SNTG1: variants seen among roughly 807,000 people sequenced by gnomAD.
SNTG1 encodes gamma-1-syntrophin.
In SNTG1, 39 loss-of-function variants were observed where a neutral mutation model predicts 74.7. The observed-to-expected ratio is 0.52, with a 90% CI of 0.40 to 0.68. SNTG1 has a LOEUF of 0.68. Among genes scored for constraint, SNTG1 ranks in the 30% least tolerant of loss-of-function variants. The pLI, the probability that SNTG1 is intolerant of heterozygous loss-of-function variation, is 0.00. For missense variants in SNTG1, 685 were observed against 609.5 expected, an observed-to-expected ratio of 1.12 and a Z score of -1.30; for synonymous variants, 254 against 217.1, an observed-to-expected ratio of 1.17 and a Z score of -1.49.
At chr8:49,942,326 T>A (rs751973235) in intron 1 of SNTG1, among the ~76,000 whole-genome samples, 8 of 152,176 alleles carry the variant, frequency 5.3e-5, no homozygotes, top group African/African-American at 1.9e-4. Context: ...CAAAATAAAT[T>A]TTATTTTTTG....
intron 1 of SNTG1, among the ~76,000 whole-genome samples, chr8:50,141,598 G>T (rs1447096044): frequency 6.6e-6 from 1 of 152,028 alleles, no homozygotes; most frequent in Non-Finnish European, 1.5e-5. Flanking sequence ...GGAACATTTT[G>T]AGTATCTGAA....
rs1352011065 is a variant in SNTG1 at position 50,172,787 on chromosome 8, A to C, written c.-28+152A>C. Among the ~76,000 whole-genome samples the C allele has an allele frequency of 6.9e-5, 10 of 145,380 alleles. 1 individual carries two copies. In the East Asian group the frequency reaches 2.0e-3, roughly 29 times the overall value. On this transcript the variant is annotated intron_variant, in intron 2 of 18. Coordinates refer to ENST00000642720, the MANE Select transcript of SNTG1 (RefSeq NM_018967.5). ...TTCTTGAAAAATGACAAAAAAAAAA[A>C]ACAAAACCTCTTGTTATGGAAGCAG...
At chr8:50,434,352 G>A (rs553410713) in intron 4 of SNTG1, among the ~76,000 whole-genome samples, 15 of 152,190 alleles carry the variant, frequency 9.9e-5, no homozygotes, top group Admixed American at 5.2e-4. Flanking sequence ...ATAAATATAC[G>A]TGTGCATGTG....
intron 1 of SNTG1, among the ~76,000 whole-genome samples, chr8:50,010,762 CAT>C (rs1815705298): frequency 6.8e-6 from 1 of 146,416 alleles, no homozygotes; most frequent in African/African-American, 2.5e-5. Context: ...ATTTACCTGA[CAT>C]ATCCAAGGAC....
At chr8:50,245,000 T>C (rs1056695072) in intron 2 of SNTG1, among the ~76,000 whole-genome samples, 3 of 152,228 alleles carry the variant, frequency 2.0e-5, no homozygotes, top group Admixed American at 2.0e-4. Context: ...TTTTACATTT[T>C]TTTTCCATTA....
At chr8:50,376,756 T>TATATATATATATAGAG (rs1381048539) in intron 2 of SNTG1, among the ~76,000 whole-genome samples, 44 of 89,954 alleles carry the variant, frequency 4.9e-4, no homozygotes, top group South Asian at 8.5e-4. Flanking sequence ...TATATATATA[T>TATATATATATATAGAG]AGAGAGAGAG....
At chr8:50,156,410 C>A (rs1371533965) in intron 1 of SNTG1, among the ~76,000 whole-genome samples, 1 of 151,828 alleles carries the variant, frequency 6.6e-6, no homozygotes, top group Non-Finnish European at 1.5e-5. Flanking sequence ...TCTCATTGAG[C>A]AATACATAAA....
At chr8:50,425,311 T>C (rs2093148766) in intron 4 of SNTG1, among the ~76,000 whole-genome samples, 1 of 151,032 alleles carries the variant, frequency 6.6e-6, no homozygotes, top group Non-Finnish European at 1.5e-5. Flanking sequence ...TGCTTTACGG[T>C]CTGAGCTCTG....
rs117948581 is a variant in SNTG1, at chr8:50,536,270, G to A, written c.550-408G>A. Among the ~76,000 whole-genome samples the A allele has an allele frequency of 2.9e-3, 436 of 152,146 alleles. 4 individuals carry two copies. The highest frequency in any genetic ancestry group is 5.9e-3 in the Admixed American group (90 of 15,284). On this transcript the variant is annotated intron_variant, in intron 10 of 18. Transcript: ENST00000642720. ...TTAAAAACACTTATGATTGTGCTTG[G>A]CACTCATAAAATACTCTCTATTTGA... is the stretch of plus-strand genomic sequence containing the variant.
chr8:50,689,458 G>A (rs1428924427), intron 15 of SNTG1, among the ~76,000 whole-genome samples: 5 of 152,056 alleles, frequency 3.3e-5, no homozygotes, highest in African/African-American at 1.2e-4. Flanking sequence ...TTAGCATGAA[G>A]CGTTGTTGAA....
rs186264308 is a variant in SNTG1, at chr8:50,180,051, A to G, written c.-28+7416A>G. Among the ~76,000 whole-genome samples the G allele has an allele frequency of 1.1e-4, 17 of 152,350 alleles. No homozygotes were observed. In the East Asian group the frequency reaches 2.7e-3, roughly 24 times the overall value. ...ACCCTAACTGTTCATAGATGGATGA[A>G]TGGATAAATAAATTATGGTATATGT... On this transcript the variant is annotated intron_variant, in intron 2 of 18. Transcript: ENST00000642720.
At chr8:50,438,805 G>A (rs2093331056) in intron 5 of SNTG1, among the ~76,000 whole-genome samples, 1 of 152,148 alleles carries the variant, frequency 6.6e-6, no homozygotes, top group African/African-American at 2.4e-5. Context: ...CAAAGAATAT[G>A]GGAATTTACC....
At chr8:50,626,279 C>T (rs1397272917) in intron 13 of SNTG1, among the ~76,000 whole-genome samples, 1 of 152,154 alleles carries the variant, frequency 6.6e-6, no homozygotes, top group African/African-American at 2.4e-5. Context: ...ACTGACCACT[C>T]ATTGAAGTAG....
chr8:50,462,794 C>CTTTTTTTTT lies in SNTG1; in HGVS notation c.363+12066_363+12067insTTTTTTTTT, dbSNP rs2093576027. Among the ~76,000 whole-genome samples, 14 of 43,628 alleles carry CTTTTTTTTT rather than the reference C, an allele frequency of 3.2e-4. 6 individuals are homozygous for CTTTTTTTTT. The highest frequency in any genetic ancestry group is 3.3e-4 in the Non-Finnish European group (7 of 21,436). The allele number at this position is 43,628 out of a possible 152,430, so 28.6% of individuals were successfully genotyped here. On this transcript the variant is annotated intron_variant, in intron 8 of 18. Coordinates refer to ENST00000642720, the MANE Select transcript of SNTG1 (RefSeq NM_018967.5). ...AACTCAGTCGCATCTTCAGGTTCTA[C>CTTTTTTTTT]TCTTTTTTTTTTTTTTTTTTTTTTT...
chr8:49,944,310 G>T (rs1011496613), intron 1 of SNTG1, among the ~76,000 whole-genome samples: 1 of 151,920 alleles, frequency 6.6e-6, no homozygotes, highest in Non-Finnish European at 1.5e-5. Context: ...TCTATTTCAG[G>T]GATTAATGGA....
chr8:50,242,922 A>C (rs1290184254), intron 2 of SNTG1, among the ~76,000 whole-genome samples: 1 of 152,040 alleles, frequency 6.6e-6, no homozygotes, highest in Non-Finnish European at 1.5e-5. Flanking sequence ...CATTGCATAG[A>C]AATCATGAAA....
chr8:49,935,239 G>GTC (rs1344992315), intron 1 of SNTG1, among the ~76,000 whole-genome samples: 29 of 143,508 alleles, frequency 2.0e-4, no homozygotes, highest in Non-Finnish European at 7.6e-5. Context: ...GTGTGTGTGT[G>GTC]TTTGTGTGTG....
intron 8 of SNTG1, among the ~76,000 whole-genome samples, chr8:50,500,805 G>A (rs2093944825): frequency 6.6e-6 from 1 of 152,080 alleles, no homozygotes; most frequent in African/African-American, 2.4e-5. Flanking sequence ...GTTCCCTGCT[G>A]GGATTGTTTG....
At chr8:50,475,069 GA>G (rs2093685479) in intron 8 of SNTG1, among the ~76,000 whole-genome samples, 1 of 116,304 alleles carries the variant, frequency 8.6e-6, no homozygotes, top group Non-Finnish European at 1.7e-5. Context: ...ACACACTGGG[GA>G]CTGTTGTGGG....
Sources: allele counts gnomAD v4.1 joint callset (sites outside exome capture counted in the v4.1 genomes callset), GRCh38; gene constraint gnomAD v4.1.1; transcripts MANE v1.5; gene names NCBI Gene and HGNC (gene_info 2026-07-23, HGNC 2026-07-21).